The following NCAM1 variants were observed in gnomAD, a reference collection of about 807,000 sequenced individuals.
NCAM1 encodes antigen recognized by monoclonal antibody 5.1H11.
In NCAM1, 14 loss-of-function variants were observed where a neutral mutation model predicts 109.8. That is an observed-to-expected ratio of 0.13 (90% CI 0.08 to 0.20). NCAM1 has a LOEUF of 0.20. Among genes scored for constraint, NCAM1 ranks in the 10% least tolerant of loss-of-function variants. The pLI, the probability that NCAM1 is intolerant of heterozygous loss-of-function variation, is 1.00. For synonymous variants in NCAM1, 418 were observed against 442.9 expected (o/e 0.94, Z 0.70); for missense variants, 774 against 1,109.9 (o/e 0.70, Z 4.30).
chr11:113,251,624 T>G (rs1398054619), intron 15 of NCAM1, among the ~76,000 whole-genome samples: 1 of 152,202 alleles, frequency 6.6e-6, no homozygotes, highest in Non-Finnish European at 1.5e-5. Context: ...TAATACATTT[T>G]GGGGGGAACA....
At chr11:113,237,808 G>A (rs927698168) in intron 14 of NCAM1, among the ~76,000 whole-genome samples, 2 of 151,664 alleles carry the variant, frequency 1.3e-5, no homozygotes, top group South Asian at 2.1e-4. Flanking sequence ...TTCAAAGGCC[G>A]CAGTGGTTTT....
chr11:113,155,701 T>C (rs1201355525), intron 1 of NCAM1, among the ~76,000 whole-genome samples: 1 of 152,038 alleles, frequency 6.6e-6, no homozygotes, highest in Admixed American at 6.5e-5. Flanking sequence ...AGTTGCCCAG[T>C]TATATGTCCT....
intron 15 of NCAM1, among the ~76,000 whole-genome samples, chr11:113,248,228 C>CAAA (rs34946502): frequency 2.4e-4 from 31 of 130,060 alleles, no homozygotes; most frequent in East Asian, 1.3e-3. Flanking sequence ...TGGCCGGTAC[C>CAAA]AAAAAAAAAA....
Position 113,207,764 on chromosome 11 carries a change from C to A in NCAM1, c.747-69C>A, listed in dbSNP as rs1944279248. ...TTGACTCAGTCTGCATTCTATGGAA[C>A]CTAATTAAAAATAAACGTCTTATTT... On this transcript the variant is annotated intron_variant, in intron 6 of 19. Transcript: ENST00000316851. 3.4e-6 allele frequency: 5 copies of A among 1,483,436 alleles called. No individual in the cohort carries two copies. The African/African-American group carries it at 7.0e-5, about 21-fold the overall frequency. The allele number at this position is 1,483,436 out of a possible 1,614,324, so 91.9% of individuals were successfully genotyped here.
chr11:113,042,670 T>G (rs1555080146), intron 1 of NCAM1, among the ~76,000 whole-genome samples: 1 of 152,172 alleles, frequency 6.6e-6, no homozygotes, highest in Admixed American at 6.5e-5. Context: ...CTTCCTCCTG[T>G]TAGGGCCATG....
intron 8 of NCAM1, among the ~76,000 whole-genome samples, chr11:113,216,836 C>G (rs1399766258): frequency 6.6e-6 from 1 of 152,190 alleles, no homozygotes; most frequent in Non-Finnish European, 1.5e-5. Context: ...GTCCATCTTA[C>G]ACTGTGGATA....
chr11:113,026,522 A>C (rs1011999510), intron 1 of NCAM1, among the ~76,000 whole-genome samples: 18 of 152,196 alleles, frequency 1.2e-4, no homozygotes, highest in Non-Finnish European at 2.4e-4. Flanking sequence ...TTAAGGATGC[A>C]GGCGGGGAAT....
chr11:113,074,154 CT>C (rs1555085726), intron 1 of NCAM1, among the ~76,000 whole-genome samples: 1 of 152,142 alleles, frequency 6.6e-6, no homozygotes, highest in Non-Finnish European at 1.5e-5. Context: ...TCCAGATTCC[CT>C]TTGAGCTTCG....
At chr11:113,154,738 G>A (rs1225658542) in intron 1 of NCAM1, among the ~76,000 whole-genome samples, 1 of 152,192 alleles carries the variant, frequency 6.6e-6, no homozygotes, top group Non-Finnish European at 1.5e-5. Flanking sequence ...GATAAAGGAA[G>A]AAGGCATCTG....
chr11:113,083,508 C>G (rs1555087676), intron 1 of NCAM1, among the ~76,000 whole-genome samples: 1 of 152,120 alleles, frequency 6.6e-6, no homozygotes, highest in Non-Finnish European at 1.5e-5. Context: ...AATGAATTAA[C>G]ATTTATTTGT....
chr11:112,965,035 T>C (rs1950693985), intron 1 of NCAM1, among the ~76,000 whole-genome samples: 1 of 152,034 alleles, frequency 6.6e-6, no homozygotes, highest in Non-Finnish European at 1.5e-5. Context: ...CCCTAAATTG[T>C]TGAACCTGAT....
chr11:113,266,527 C>T (rs1187236720), intron 17 of NCAM1, among the ~76,000 whole-genome samples: 2 of 152,124 alleles, frequency 1.3e-5, no homozygotes, highest in Non-Finnish European at 2.9e-5. Flanking sequence ...ATCACGTGCT[C>T]CTCTTTGTAA....
intron 1 of NCAM1, among the ~76,000 whole-genome samples, chr11:113,103,187 A>G (rs1390070811): frequency 3.3e-5 from 5 of 152,130 alleles, no homozygotes; most frequent in African/African-American, 4.8e-5. Flanking sequence ...TATTTATTCT[A>G]TTTCCCTAGT....
intron 1 of NCAM1, among the ~76,000 whole-genome samples, chr11:112,990,857 G>A (rs1951441717): frequency 6.6e-6 from 1 of 152,204 alleles, no homozygotes; most frequent in Non-Finnish European, 1.5e-5. Flanking sequence ...CCTAGGCCTT[G>A]TGCTCCAATA....
intron 1 of NCAM1, among the ~76,000 whole-genome samples, chr11:113,014,394 T>C (rs1247219706): frequency 6.6e-6 from 1 of 152,062 alleles, no homozygotes; most frequent in African/African-American, 2.4e-5. Context: ...TGCAGAGCCT[T>C]GGTCTAATGC....
Position 113,039,868 on chromosome 11 carries a change from C to T in NCAM1, c.52+78204C>T, listed in dbSNP as rs1160400000. Among the ~76,000 whole-genome samples the T allele has an allele frequency of 6.6e-5, 10 of 152,178 alleles. No individual in the cohort carries two copies. The East Asian group carries it at 7.7e-4, about 12-fold the overall frequency. ...TATTTTAAAAATAATTGGCCAGGCA[C>T]GGTGGCTCACACCTGGAATCCCAGC... On this transcript the variant is annotated intron_variant, in intron 1 of 19. Transcript: ENST00000316851.
intron 1 of NCAM1, among the ~76,000 whole-genome samples, chr11:113,140,331 A>C (rs1480166860): frequency 1.3e-5 from 2 of 152,020 alleles, no homozygotes; most frequent in Non-Finnish European, 2.9e-5. Flanking sequence ...CCATAGTTGA[A>C]CACTGTCCCA....
At chr11:113,143,711 G>A (rs1941914728) in intron 1 of NCAM1, among the ~76,000 whole-genome samples, 1 of 152,176 alleles carries the variant, frequency 6.6e-6, no homozygotes, top group African/African-American at 2.4e-5. Flanking sequence ...TTGCAGGGCT[G>A]GAATCGAATG....
rs765856338 is a variant in NCAM1 at position 113,236,372 on chromosome 11, C to A, written c.1825+1208C>A. The A allele has an allele frequency of 2.0e-5, 31 of 1,581,216 alleles. No homozygotes were observed. In the Middle Eastern group the frequency reaches 5.0e-4, roughly 25 times the overall value. On this transcript the variant is annotated intron_variant, in intron 14 of 19. Transcript: ENST00000316851. Reference sequence around the variant, plus strand: ...TCCATAGCGTTAACATCTGCTAGTTCTAGTTCGTAATTTAGTTCTGGTCCC... The same window carrying A: ...TCCATAGCGTTAACATCTGCTAGTTATAGTTCGTAATTTAGTTCTGGTCCC...
Sources: allele counts gnomAD v4.1 joint callset (sites outside exome capture counted in the v4.1 genomes callset), GRCh38; gene constraint gnomAD v4.1.1; transcripts MANE v1.5; gene names NCBI Gene and HGNC (gene_info 2026-07-23, HGNC 2026-07-21).